GRIN2B: variants seen among roughly 807,000 people sequenced by gnomAD.
GRIN2B encodes glutamate receptor ionotropic, NMDA 2B.
A neutral mutation model predicts 114.5 loss-of-function variants in GRIN2B; 5 were observed. The ratio of observed to expected loss-of-function variants is 0.04; its 90% CI spans 0.02 to 0.09. The LOEUF is 0.09. Among genes scored for constraint, GRIN2B ranks in the 10% least tolerant of loss-of-function variants. The pLI, the probability that GRIN2B is intolerant of heterozygous loss-of-function variation, is 1.00. For synonymous variants in GRIN2B, 787 were observed against 745.1 expected (o/e 1.06, Z -0.92); for missense variants, 1,108 against 1,943.5 (o/e 0.57, Z 8.08).
intron 5 of GRIN2B, among the ~76,000 whole-genome samples, chr12:13,633,006 G>C (rs761308293): frequency 6.6e-6 from 1 of 152,190 alleles, no homozygotes; most frequent in East Asian, 1.9e-4. Context: ...AAGAGAGACT[G>C]TGTGGGTCCC....
chr12:13,861,395 T>C (rs1865748806), intron 3 of GRIN2B, among the ~76,000 whole-genome samples: 2 of 152,150 alleles, frequency 1.3e-5, no homozygotes, highest in African/African-American at 4.8e-5. Flanking sequence ...TAGAAATAAA[T>C]GGAAATACAT....
At chr12:13,888,642 G>A (rs1354853867) in intron 2 of GRIN2B, among the ~76,000 whole-genome samples, 2 of 151,816 alleles carry the variant, frequency 1.3e-5, no homozygotes, top group Non-Finnish European at 2.9e-5. Context: ...GCTGAGGCAG[G>A]AGAATCACTT....
At chr12:13,649,894 G>A (rs904148213) in intron 5 of GRIN2B, among the ~76,000 whole-genome samples, 2 of 152,070 alleles carry the variant, frequency 1.3e-5, no homozygotes, top group African/African-American at 4.8e-5. Flanking sequence ...ACATTTCTAT[G>A]TGAGCATAAA....
At chr12:13,709,466 A>T (rs1458741398) in intron 4 of GRIN2B, among the ~76,000 whole-genome samples, 1 of 152,066 alleles carries the variant, frequency 6.6e-6, no homozygotes, top group Non-Finnish European at 1.5e-5. Flanking sequence ...GTCAGCAAAG[A>T]CACAGAAGAT....
chr12:13,791,890 A>C (rs1337880262), intron 3 of GRIN2B, among the ~76,000 whole-genome samples: 1 of 152,198 alleles, frequency 6.6e-6, no homozygotes, highest in Non-Finnish European at 1.5e-5. Flanking sequence ...GATCTATCGA[A>C]CATCAGGTCT....
chr12:13,769,885 C>A (rs563113987), intron 3 of GRIN2B, among the ~76,000 whole-genome samples: 1 of 152,224 alleles, frequency 6.6e-6, no homozygotes, highest in Non-Finnish European at 1.5e-5. Context: ...GGGACTCACA[C>A]AAACCTCCAT....
chr12:13,943,102 C>T (rs915932815), intron 2 of GRIN2B, among the ~76,000 whole-genome samples: 4 of 152,140 alleles, frequency 2.6e-5, no homozygotes, highest in Admixed American at 1.3e-4. Flanking sequence ...CCACTGCTCC[C>T]GTCTGATAAG....
intron 5 of GRIN2B, among the ~76,000 whole-genome samples, chr12:13,641,801 T>G (rs1949719029): frequency 6.6e-6 from 1 of 152,182 alleles, no homozygotes; most frequent in African/African-American, 2.4e-5. Flanking sequence ...CTTCAGCATC[T>G]GGAATTACTT....
At position 13,658,798 on chromosome 12, in the gene GRIN2B, C is replaced by T. The variant is rs112458573; in HGVS notation, c.1125+16947G>A. On this transcript the variant is annotated intron_variant, in intron 5 of 13. Coordinates refer to ENST00000609686, the MANE Select transcript of GRIN2B (RefSeq NM_000834.5). ...GGTGGGGTCTTGTGAAGCATTTCTT[C>T]CCAATGATGCATGAATGAGAACCAC... Among the ~76,000 whole-genome samples, 14 of 152,040 alleles carry T rather than the reference C, an allele frequency of 9.2e-5. 1 individual carries two copies. Among genetic ancestry groups the T allele is most frequent in the Middle Eastern group, 3.4e-3 (1 of 294 alleles).
chr12:13,796,058 G>A lies in GRIN2B; in HGVS notation c.412-42143C>T, dbSNP rs533513061. ...TAACAAACCTGCACGTTGTACACAT[G>A]TACCCTAGAACTTAAAGTATAATTA... On this transcript the variant is annotated intron_variant, in intron 3 of 13. Coordinates refer to ENST00000609686, the MANE Select transcript of GRIN2B (RefSeq NM_000834.5). 7.1e-5 allele frequency among the ~76,000 whole-genome samples: 10 copies of A among 141,640 alleles called. No individual in the cohort carries two copies. In the East Asian group the frequency reaches 1.3e-3, roughly 18 times the overall value. The allele number at this position is 141,640 out of a possible 152,430, so 92.9% of individuals were successfully genotyped here. A position where few individuals can be genotyped will look rare whatever the true frequency, so the allele number is the denominator to read the frequency against.
intron 3 of GRIN2B, among the ~76,000 whole-genome samples, chr12:13,793,532 A>G (rs575748861): frequency 6.6e-6 from 1 of 152,356 alleles, no homozygotes; most frequent in South Asian, 2.1e-4. Context: ...CTTTCTGAAC[A>G]GAATGAAGTC....
chr12:13,629,371 T>C (rs1445475822), intron 5 of GRIN2B, among the ~76,000 whole-genome samples: 6 of 152,074 alleles, frequency 3.9e-5, no homozygotes, highest in African/African-American at 1.4e-4. Context: ...ATAGAAAGGA[T>C]CCTACCTTGA....
intron 3 of GRIN2B, among the ~76,000 whole-genome samples, chr12:13,803,950 G>C (rs554658640): frequency 3.3e-5 from 5 of 152,142 alleles, no homozygotes; most frequent in Admixed American, 6.6e-5. Context: ...TCTATTTCAA[G>C]TACAGGACAA....
chr12:13,778,396 G>A (rs998062336), intron 3 of GRIN2B, among the ~76,000 whole-genome samples: 1 of 152,174 alleles, frequency 6.6e-6, no homozygotes, highest in African/African-American at 2.4e-5. Context: ...TAAAATTAGA[G>A]AAGTTACAAG....
At chr12:13,723,150 A>G (rs1483473679) in intron 4 of GRIN2B, among the ~76,000 whole-genome samples, 1 of 149,018 alleles carries the variant, frequency 6.7e-6, no homozygotes, top group Non-Finnish European at 1.5e-5. Flanking sequence ...TTTGTTTTTT[A>G]TTATTATACT....
At chr12:13,934,835 T>C (rs959754236) in intron 2 of GRIN2B, among the ~76,000 whole-genome samples, 1 of 144,108 alleles carries the variant, frequency 6.9e-6, no homozygotes, top group Non-Finnish European at 1.5e-5. Flanking sequence ...CAAAGCCATG[T>C]GTGCTCATAC....
intron 3 of GRIN2B, among the ~76,000 whole-genome samples, chr12:13,863,074 A>G (rs569739845): frequency 3.8e-4 from 58 of 152,384 alleles, no homozygotes; most frequent in African/African-American, 1.4e-3. Flanking sequence ...AGAGAAAGAC[A>G]TGATGGAATA....
chr12:13,580,287 G>A (rs1284125177), intron 10 of GRIN2B, among the ~76,000 whole-genome samples: 1 of 152,176 alleles, frequency 6.6e-6, no homozygotes, highest in Non-Finnish European at 1.5e-5. Flanking sequence ...TGGCTTCCCT[G>A]AAAAATGGCT....
At chr12:13,971,258 G>A (rs1862906912) in intron 2 of GRIN2B, among the ~76,000 whole-genome samples, 1 of 152,206 alleles carries the variant, frequency 6.6e-6, no homozygotes, top group Admixed American at 6.5e-5. Flanking sequence ...ATTAGCAGCT[G>A]TCCAAAAGAG....
Sources: gnomAD v4.1 joint callset for allele counts (sites outside exome capture counted in the v4.1 genomes callset) on GRCh38, gnomAD v4.1.1 for gene constraint, MANE v1.5 for transcripts, NCBI Gene and HGNC (gene_info 2026-07-23, HGNC 2026-07-21) for gene names.